Variants in LRFN5 observed in about 807,000 individuals in gnomAD.
LRFN5 encodes leucine-rich repeat and fibronectin type-III domain-containing protein 5.
A neutral mutation model predicts 45.6 loss-of-function variants in LRFN5; 24 were observed. The observed-to-expected ratio is 0.53, with a 90% confidence interval of 0.38 to 0.74. The LOEUF is 0.74. Ranked by LOEUF, LRFN5 falls within the 30% of genes least tolerant of loss-of-function variation. The pLI, the probability that LRFN5 is intolerant of heterozygous loss-of-function variation, is 0.00. For synonymous variants in LRFN5, 340 were observed against 313.8 expected (o/e 1.08, Z -0.88); for missense variants, 776 against 861.5 (o/e 0.90, Z 1.24).
At chr14:41,687,032 A>G (rs10139031) in intron 1 of LRFN5, among the ~76,000 whole-genome samples, 3,137 of 152,174 alleles carry the variant, frequency 0.021, 98 homozygotes, top group African/African-American at 0.069. Context: ...TCAGAAGGAA[A>G]GTTACCAGCA....
chr14:41,752,763 A>G (rs1009316677), intron 1 of LRFN5, among the ~76,000 whole-genome samples: 2 of 152,044 alleles, frequency 1.3e-5, no homozygotes, highest in African/African-American at 4.8e-5. Context: ...GAAGCTCTTT[A>G]GTTTAATTAG....
At chr14:41,654,240 A>G (rs1880269415) in intron 1 of LRFN5, among the ~76,000 whole-genome samples, 2 of 152,006 alleles carry the variant, frequency 1.3e-5, no homozygotes, top group Non-Finnish European at 2.9e-5. Flanking sequence ...CCTGGGAGAT[A>G]TTCTGAGTGA....
At chr14:41,892,261 G>A (rs1890811663) in intron 4 of LRFN5, 1 of 984,062 alleles carries the variant, frequency 1.0e-6, no homozygotes. Context: ...CAATTCCAAT[G>A]CTGTGTATAA....
At chr14:41,837,133 C>T (rs778012034) in intron 2 of LRFN5, among the ~76,000 whole-genome samples, 10 of 133,194 alleles carry the variant, frequency 7.5e-5, no homozygotes, top group Non-Finnish European at 1.4e-4. Flanking sequence ...CCCAAATCAG[C>T]GGACTGAGAA....
chr14:41,904,335 A>G lies in LRFN5; in HGVS notation c.*160A>G, dbSNP rs1410257560. 2.8e-5 allele frequency: 24 copies of G among 849,500 alleles called. No individual in the cohort carries two copies. Among genetic ancestry groups the G allele is most frequent in the Non-Finnish European group, 4.5e-5 (24 of 533,628 alleles). 52.6% of individuals were successfully genotyped at this position (849,500 alleles called of 1,614,324 possible). Reference sequence around the variant, plus strand: ...AGGTGAAAGTCTCTGATGACGGCGGAACTGGCTCCATTAGACCATGGTTCA... The same window carrying G: ...AGGTGAAAGTCTCTGATGACGGCGGGACTGGCTCCATTAGACCATGGTTCA... On this transcript the variant is annotated 3_prime_UTR_variant, in exon 6 of 6. Transcript: ENST00000298119.
At chr14:41,762,613 T>C (rs1310390046) in intron 1 of LRFN5, among the ~76,000 whole-genome samples, 1 of 152,120 alleles carries the variant, frequency 6.6e-6, no homozygotes, top group African/African-American at 2.4e-5. Flanking sequence ...TAATATGGAG[T>C]AATTTTCAAT....
intron 1 of LRFN5, among the ~76,000 whole-genome samples, chr14:41,762,599 T>G (rs1566658562): frequency 6.6e-6 from 1 of 152,144 alleles, no homozygotes; most frequent in Admixed American, 6.5e-5. Flanking sequence ...TTTAACAAAC[T>G]CATTAATATG....
At chr14:41,758,066 C>T (rs575285809) in intron 1 of LRFN5, among the ~76,000 whole-genome samples, 10 of 152,226 alleles carry the variant, frequency 6.6e-5, no homozygotes, top group East Asian at 1.9e-4. Context: ...ATTATGCTTT[C>T]AAATGGCCTT....
intron 1 of LRFN5, among the ~76,000 whole-genome samples, chr14:41,763,594 A>G (rs1369731824): frequency 6.6e-6 from 1 of 152,172 alleles, no homozygotes; most frequent in Admixed American, 6.5e-5. Flanking sequence ...AAGGAATTGA[A>G]TCATGGGTGC....
intron 1 of LRFN5, among the ~76,000 whole-genome samples, chr14:41,608,913 C>A (rs1887615271): frequency 6.6e-6 from 1 of 152,176 alleles, no homozygotes; most frequent in South Asian, 2.1e-4. Flanking sequence ...GTACCCAACC[C>A]TTTCCAGATT....
intron 1 of LRFN5, among the ~76,000 whole-genome samples, chr14:41,715,205 A>G (rs541005781): frequency 6.6e-6 from 1 of 152,350 alleles, no homozygotes; most frequent in African/African-American, 2.4e-5. Context: ...GTGAGACTGC[A>G]TTACCATTTT....
intron 2 of LRFN5, among the ~76,000 whole-genome samples, chr14:41,771,995 T>C (rs1346042883): frequency 6.6e-6 from 1 of 152,170 alleles, no homozygotes; most frequent in Non-Finnish European, 1.5e-5. Flanking sequence ...CATTATTCTC[T>C]AGGCTGTAGG....
chr14:41,894,469 G>C, intron 4 of LRFN5: 1 of 958,480 alleles, frequency 1.0e-6, no homozygotes, highest in Non-Finnish European at 1.2e-6. Flanking sequence ...TTGAACACTT[G>C]TTCTTAAAAA....
At chr14:41,661,180 T>C (rs1253099016) in intron 1 of LRFN5, among the ~76,000 whole-genome samples, 1 of 151,828 alleles carries the variant, frequency 6.6e-6, no homozygotes, top group African/African-American at 2.4e-5. Flanking sequence ...TTCTTCCTAA[T>C]TGAAACTAAA....
intron 2 of LRFN5, among the ~76,000 whole-genome samples, chr14:41,796,361 G>A (rs1046984832): frequency 1.3e-5 from 2 of 151,866 alleles, no homozygotes; most frequent in African/African-American, 4.8e-5. Flanking sequence ...GTTTTAATAA[G>A]CTTAGTGCAT....
At chr14:41,897,118 A>T (rs1006368621) in intron 4 of LRFN5, among the ~76,000 whole-genome samples, 4 of 150,630 alleles carry the variant, frequency 2.7e-5, no homozygotes, top group African/African-American at 9.7e-5. Context: ...ATAAATAAAT[A>T]AATAAATAAA....
chr14:41,657,590 T>C (rs1443283275), intron 1 of LRFN5, among the ~76,000 whole-genome samples: 2 of 152,014 alleles, frequency 1.3e-5, no homozygotes, highest in Non-Finnish European at 1.5e-5. Flanking sequence ...TAAAACCTTT[T>C]GATTTTACAG....
rs1049724690 is a variant in LRFN5, at chr14:41,803,919, A to G, written c.-21+36890A>G. 1.1e-4 allele frequency among the ~76,000 whole-genome samples: 17 copies of G among 152,132 alleles called. 1 individual carries two copies. Among genetic ancestry groups the G allele is most frequent in the African/African-American group, 3.9e-4 (16 of 41,424 alleles). ...CACTCTGTCACCCAGGCTGGAGTGC[A>G]GTGGCACGATCTAGGCTCACTGCAA... On this transcript the variant is annotated intron_variant, in intron 2 of 5. Coordinates refer to ENST00000298119, the MANE Select transcript of LRFN5 (RefSeq NM_152447.5).
chr14:41,667,559 C>T (rs1032658387), intron 1 of LRFN5, among the ~76,000 whole-genome samples: 15 of 152,132 alleles, frequency 9.9e-5, no homozygotes, highest in Non-Finnish European at 1.5e-4. Context: ...TGTCCACGCT[C>T]CTGCCCCTTT....
Sources: gnomAD v4.1 joint callset for allele counts (sites outside exome capture counted in the v4.1 genomes callset) on GRCh38, gnomAD v4.1.1 for gene constraint, MANE v1.5 for transcripts, NCBI Gene and HGNC (gene_info 2026-07-23, HGNC 2026-07-21) for gene names.